The following TOP2A variants were observed in gnomAD, a reference collection of about 807,000 sequenced individuals.
TOP2A encodes DNA topoisomerase 2-alpha.
TOP2A carries 68 observed loss-of-function variants against 187.2 expected under a neutral mutation model. That is an observed-to-expected ratio of 0.36 (90% CI 0.30 to 0.44). The LOEUF (loss-of-function observed/expected upper bound fraction) is 0.44, where lower values mean the gene tolerates loss of function less well. Among genes scored for constraint, TOP2A ranks in the 20% least tolerant of loss-of-function variants. The probability of loss-of-function intolerance (pLI) is 1.00; values close to 1 mark genes in which losing one functional copy is unlikely to be tolerated. For missense variants in TOP2A, 1,196 were observed against 1,808.7 expected (o/e 0.66, Z 6.14); for synonymous variants, 542 against 593.2 (o/e 0.91, Z 1.25).
intron 10 of TOP2A, among the ~76,000 whole-genome samples, chr17:40,410,870 A>G (rs944111889): frequency 2.0e-5 from 3 of 152,256 alleles, no homozygotes; most frequent in Non-Finnish European, 4.4e-5. Context: ...TTAAACAGCT[A>G]GATTAATTCA....
At chr17:40,389,833 A>G (rs1055367244) in intron 34 of TOP2A, 132 bp downstream of exon 34, 3 of 1,255,304 alleles carry the variant, frequency 2.4e-6, no homozygotes, top group African/African-American at 3.0e-5. Context: ...TTAAAACTAA[A>G]TATGTACAGT....
Position 40,401,748 on chromosome 17 carries a change from G to A in TOP2A, c.2433-667C>T, listed in dbSNP as rs12938382. On this transcript the variant is annotated intron_variant, in intron 20 of 34. Coordinates refer to ENST00000423485, the MANE Select transcript of TOP2A (RefSeq NM_001067.4). ...ACAACAAAAAACAAACTGAGGGACTGAACCATGTGGATATCTAGAGAAAGA... is the reference window on the plus strand; with the variant it reads ...ACAACAAAAAACAAACTGAGGGACTAAACCATGTGGATATCTAGAGAAAGA... 9.3e-3 allele frequency among the ~76,000 whole-genome samples: 1,412 copies of A among 152,028 alleles called. 16 individuals are homozygous for A. Among genetic ancestry groups the A allele is most frequent in the African/African-American group, 0.032 (1,346 of 41,484 alleles).
chr17:40,404,887 T>C lies in TOP2A; in HGVS notation c.1954-4A>G, dbSNP rs749621283. 3.9e-6 allele frequency: 6 copies of C among 1,544,638 alleles called. No individual in the cohort carries two copies. In the Admixed American group the frequency reaches 5.7e-5, roughly 15 times the overall value. On this transcript the variant is annotated splice_region_variant and splice_polypyrimidine_tract_variant and intron_variant, in intron 16 of 34. Coordinates refer to ENST00000423485, the MANE Select transcript of TOP2A (RefSeq NM_001067.4). Reference sequence around the variant, plus strand: ...CTATCTGTTTTTTGCTAAAGGCCTATAAATTAAAGGATGAAAAGATGTCAC... The same window carrying C: ...CTATCTGTTTTTTGCTAAAGGCCTACAAATTAAAGGATGAAAAGATGTCAC...
rs771025828 is a variant in TOP2A, at chr17:40,404,480, A to C, written c.2058T>G (p.Tyr686Ter). The part of the protein sequence containing the change: ...KLLGLPEDYL[Y>*]GQTTTYLTYN... ...ATGTCAGATATGTGGTAGTTTGTCCATACAAGTAATCCTGAAGGACCAAAT... is the reference window on the plus strand; with the variant it reads ...ATGTCAGATATGTGGTAGTTTGTCCCTACAAGTAATCCTGAAGGACCAAAT... Residue 686 changes from tyrosine to a stop codon, truncating the protein, a stop_gained, in exon 18 of 35, where the codon TAT becomes TAG. Transcript: ENST00000423485. LOFTEE classifies it high-confidence loss of function. The C allele has an allele frequency of 1.3e-6, 2 of 1,595,702 alleles. No individual in the cohort carries two copies. Among genetic ancestry groups the C allele is most frequent in the Non-Finnish European group, 1.7e-6 (2 of 1,164,868 alleles).
chr17:40,415,683 C>T (rs983626599), intron 4 of TOP2A, among the ~76,000 whole-genome samples: 10 of 152,148 alleles, frequency 6.6e-5, no homozygotes, highest in Non-Finnish European at 1.2e-4. Flanking sequence ...GCAAATAGGC[C>T]GCGTGCCATG....
chr17:40,400,523 A>T lies in TOP2A; in HGVS notation c.2799+6T>A, dbSNP rs2035165099. 1.2e-6 allele frequency: 2 copies of T among 1,604,920 alleles called. No individual in the cohort carries two copies. Among genetic ancestry groups the T allele is most frequent in the African/African-American group, 2.7e-5 (2 of 74,518 alleles). ...AAACCTAAAAAAGAAATCCATAATT[A>T]TTTACCTGGGTCCATGTTCTGACGG... On this transcript the variant is annotated splice_donor_region_variant and intron_variant, in intron 22 of 34. Transcript: ENST00000423485.
At chr17:40,406,716 T>A in intron 14 of TOP2A, 27 bp from the exon 15 acceptor site, 3 of 1,598,250 alleles carry the variant, frequency 1.9e-6, no homozygotes, top group Non-Finnish European at 2.6e-6. Context: ...TGACTGTGGC[T>A]TTGTACACTG....
At chr17:40,406,304 T>A in intron 16 of TOP2A, 80 bp downstream of exon 16, 1 of 985,112 alleles carries the variant, frequency 1.0e-6, no homozygotes. Context: ...CGGAGTCTTA[T>A]ACAAAAATGT....
intron 10 of TOP2A, chr17:40,408,912 A>T: frequency 1.9e-6 from 1 of 530,382 alleles, no homozygotes; most frequent in Non-Finnish European, 3.6e-6. Flanking sequence ...AAAACAAATT[A>T]GACCAGGCAC....
At chr17:40,396,194 T>TG in intron 28 of TOP2A, 89 bp downstream of exon 28, 1 of 650,118 alleles carries the variant, frequency 1.5e-6, no homozygotes, top group Non-Finnish European at 2.6e-6. Context: ...GTTGGGAGGC[T>TG]GGTCTTGAAC....
rs200739247 is a variant in TOP2A, at chr17:40,396,411, C to A, written c.3592G>T (p.Gly1198Trp). Residue 1198 changes from glycine to tryptophan, a missense_variant, in exon 28 of 35, where the codon GGG (glycine) becomes TGG (tryptophan). Physicochemically the swap from Gly to Trp is radical, Grantham distance 184. Around this residue, in one of 10 missense-constraint regions of TOP2A, gnomAD observed 374 missense variants for 403.3 expected, o/e 0.93. Coordinates refer to ENST00000423485, the MANE Select transcript of TOP2A (RefSeq NM_001067.4). ...DEQVGLPGKG[G>W]KAKGKKTQMA... ...TGTGTTTTTTTCCCCTTGGCCTTCC[C>A]CCCTTTCCCAGGAAGTCCGACTTGT... The A allele has an allele frequency of 1.2e-6, 2 of 1,613,794 alleles. No individual in the cohort carries two copies. The highest frequency in any genetic ancestry group is 1.7e-6 in the Non-Finnish European group (2 of 1,179,878).
chr17:40,395,284 A>AT, intron 29 of TOP2A, among the ~76,000 whole-genome samples, 165 bp downstream of exon 29: 1 of 150,450 alleles, frequency 6.6e-6, no homozygotes, highest in Non-Finnish European at 1.5e-5. Flanking sequence ...ACTGTCTCAA[A>AT]AAAAAAAAAA....
rs202246173 is a variant in TOP2A, at chr17:40,390,624, A to AT, written c.4268-461dup. On this transcript the variant is annotated intron_variant, in intron 33 of 34. Coordinates refer to ENST00000423485, the MANE Select transcript of TOP2A (RefSeq NM_001067.4). Reference sequence around the variant, plus strand: ...GAATCAAAGTATTCTTAAACATTCTATTTTTTTTTTTTTTTTTTTGAGACA... The same window carrying AT: ...GAATCAAAGTATTCTTAAACATTCTATTTTTTTTTTTTTTTTTTTTGAGACA... 9.8e-3 allele frequency among the ~76,000 whole-genome samples: 1,277 copies of AT among 129,768 alleles called. 7 individuals carry two copies. The highest frequency in any genetic ancestry group is 0.039 in the East Asian group (172 of 4,442). The allele number at this position is 129,768 out of a possible 152,430, so 85.1% of individuals were successfully genotyped here. A position where few individuals can be genotyped will look rare whatever the true frequency, so the allele number is the denominator to read the frequency against.
intron 20 of TOP2A, among the ~76,000 whole-genome samples, chr17:40,402,028 AGAT>A (rs1162295176): frequency 6.6e-6 from 1 of 152,196 alleles, no homozygotes; most frequent in Non-Finnish European, 1.5e-5. Flanking sequence ...CTTTAAGAAA[AGAT>A]GATATGTTAC....
rs764581879 is a variant in TOP2A at position 40,412,711 on chromosome 17, A to G, written c.789+48T>C. 8 of 1,490,608 alleles carry G rather than the reference A, an allele frequency of 5.4e-6. No homozygotes were observed. In the East Asian group the frequency reaches 1.4e-4, roughly 25 times the overall value. 92.3% of individuals were successfully genotyped at this position (1,490,608 alleles called of 1,614,324 possible). On this transcript the variant is annotated intron_variant, in intron 7 of 34. Transcript: ENST00000423485. ...AAAAAATTCAATTTTGCACTTGACAATGATTACAAAATCCCTTATTATCCT... is the reference window on the plus strand; with the variant it reads ...AAAAAATTCAATTTTGCACTTGACAGTGATTACAAAATCCCTTATTATCCT...
chr17:40,412,713 G>T, intron 7 of TOP2A, 46 bp downstream of exon 7: 2 of 1,497,448 alleles, frequency 1.3e-6, no homozygotes, highest in South Asian at 2.3e-5. Context: ...ACTTGACAAT[G>T]ATTACAAAAT....
chr17:40,406,426 C>T lies in TOP2A; in HGVS notation c.1911G>A (p.Gln637=). ...CATCTTCAGGACCAGAATATTTGAA[C>T]TGGATACGATGTCTTTTCATATCTG... The part of the protein sequence containing the change: ...YFADMKRHRI[Q]FKYSGPEDDA... The change falls in exon 16 of 35, where the codon CAG becomes CAA. Residue 637 remains glutamine, a synonymous_variant. Coordinates refer to ENST00000423485, the MANE Select transcript of TOP2A (RefSeq NM_001067.4). The T allele has an allele frequency of 1.2e-6, 2 of 1,613,516 alleles. No individual in the cohort carries two copies. Among genetic ancestry groups the T allele is most frequent in the Non-Finnish European group, 1.7e-6 (2 of 1,179,552 alleles).
chr17:40,398,574 A>C lies in TOP2A; in HGVS notation c.3521T>G (p.Phe1174Cys). The C allele has an allele frequency of 1.3e-6, 2 of 1,582,622 alleles. No homozygotes were observed. The highest frequency in any genetic ancestry group is 2.3e-5 in the South Asian group (2 of 87,512). Reference sequence around the variant, plus strand: ...ACTACATACCTCCAATTCTTCAATAAATGTAGCCAAGTCTTCTTTCCACAA... The same window carrying C: ...ACTACATACCTCCAATTCTTCAATACATGTAGCCAAGTCTTCTTTCCACAA... ...SDLWKEDLATFIEELEAVEAK... is the reference protein window; with the variant it reads ...SDLWKEDLATCIEELEAVEAK... The change falls in exon 27 of 35, where the codon TTT (phenylalanine) becomes TGT (cysteine). Residue 1174 changes from phenylalanine (F) to cysteine (C), a missense_variant. Transcript: ENST00000423485.
chr17:40,412,961 T>C lies in TOP2A; in HGVS notation c.587A>G (p.Asp196Gly), dbSNP rs1271981703. Reference protein sequence around the residue: ...YKKMFKQTWMDNMGRAGEMEL... With the variant: ...YKKMFKQTWMGNMGRAGEMEL... Reference sequence around the variant, plus strand: ...CATCTCACCAGCTCTTCCCATATTATCCATCCATGTCTATGGAAGTAAAGA... The same window carrying C: ...CATCTCACCAGCTCTTCCCATATTACCCATCCATGTCTATGGAAGTAAAGA... Residue 196 changes from aspartate to glycine, a missense_variant, in exon 7 of 35, where the codon GAT becomes GGT. By Grantham distance (94) the Asp-to-Gly change is moderately conservative. This residue lies in a region of TOP2A where 252 missense variants were observed against 434.8 expected (regional missense o/e 0.58). Coordinates refer to ENST00000423485, the MANE Select transcript of TOP2A (RefSeq NM_001067.4). 1 of 1,611,240 alleles carries C rather than the reference T, an allele frequency of 6.2e-7. No homozygotes were observed. The highest frequency in any genetic ancestry group is 1.1e-5 in the South Asian group (1 of 90,480).
Sources: gnomAD v4.1 joint callset for allele counts (sites outside exome capture counted in the v4.1 genomes callset) on GRCh38, gnomAD v4.1.1 for gene constraint, gnomAD v4.1.1 regional missense constraint, MANE v1.5 for transcripts, NCBI Gene and HGNC (gene_info 2026-07-23, HGNC 2026-07-21) for gene names.